The following NKAIN3 variants were observed in gnomAD, a reference collection of about 807,000 sequenced individuals.
The protein encoded by NKAIN3 is sodium/potassium transporting ATPase interacting 3, also known as sodium/potassium-transporting ATPase subunit beta-1-interacting protein 3.
In NKAIN3, 25 loss-of-function variants were observed where a neutral mutation model predicts 30.2. The ratio of observed to expected loss-of-function variants is 0.83; its 90% CI spans 0.60 to 1.16. NKAIN3 has a LOEUF of 1.16. Among genes scored for constraint, NKAIN3 ranks in the 50% most tolerant of loss-of-function variants. The pLI, the probability that NKAIN3 is intolerant of heterozygous loss-of-function variation, is 0.00. For missense variants in NKAIN3, 225 were observed against 254.1 expected (o/e 0.89, Z 0.78); for synonymous variants, 91 against 89.6 (o/e 1.02, Z -0.09).
intron 1 of NKAIN3, among the ~76,000 whole-genome samples, chr8:62,310,029 G>T (rs1183170354): frequency 6.6e-6 from 1 of 150,432 alleles, no homozygotes; most frequent in Admixed American, 6.6e-5. Flanking sequence ...AAAATAGAAT[G>T]GTTAATGACA....
At chr8:62,628,260 C>G (rs1051470419) in intron 3 of NKAIN3, among the ~76,000 whole-genome samples, 2 of 152,122 alleles carry the variant, frequency 1.3e-5, no homozygotes, top group Non-Finnish European at 2.9e-5. Flanking sequence ...TTATGTCAGT[C>G]AGATGCTAAA....
At chr8:62,912,459 A>T (rs1027191363) in intron 4 of NKAIN3, among the ~76,000 whole-genome samples, 5 of 152,204 alleles carry the variant, frequency 3.3e-5, no homozygotes, top group African/African-American at 9.6e-5. Flanking sequence ...TTACTTTATA[A>T]ACCTTTTAAA....
intron 1 of NKAIN3, among the ~76,000 whole-genome samples, chr8:62,535,852 A>G (rs535731619): frequency 1.3e-5 from 2 of 152,256 alleles, no homozygotes; most frequent in South Asian, 2.1e-4. Context: ...AAGACCCACA[A>G]TCAGAAAGTC....
chr8:62,618,760 G>T (rs1255044532), intron 3 of NKAIN3, among the ~76,000 whole-genome samples: 1 of 152,022 alleles, frequency 6.6e-6, no homozygotes, highest in African/African-American at 2.4e-5. Context: ...GCAAAAATTA[G>T]CCGGGCATGG....
chr8:62,249,207 A>C (rs1017143595), intron 1 of NKAIN3, 80 bp downstream of exon 1: 1 of 1,246,516 alleles, frequency 8.0e-7, no homozygotes, highest in African/African-American at 1.6e-5. Context: ...GCGGTTCCGC[A>C]GCTCCCGGCA....
At chr8:62,741,096 C>T (rs1350881881) in intron 3 of NKAIN3, among the ~76,000 whole-genome samples, 1 of 150,762 alleles carries the variant, frequency 6.6e-6, no homozygotes, top group Non-Finnish European at 1.5e-5. Flanking sequence ...TTTTTTACTC[C>T]CAGAACTCTC....
rs971979647 is a variant in NKAIN3 at position 62,968,796 on chromosome 8, A to C, written c.*3389A>C. Among the ~76,000 whole-genome samples, 4 of 152,174 alleles carry C rather than the reference A, an allele frequency of 2.6e-5. No homozygotes were observed. The highest frequency in any genetic ancestry group is 9.6e-5 in the African/African-American group (4 of 41,452). Reference sequence around the variant, plus strand: ...TAAGCGTCTTCTGCTGACCTCGTGCAGCACCGCAGGAAGCTGGGATGCTTT... The same window carrying C: ...TAAGCGTCTTCTGCTGACCTCGTGCCGCACCGCAGGAAGCTGGGATGCTTT... On this transcript the variant is annotated 3_prime_UTR_variant, in exon 7 of 7. Transcript: ENST00000623646.
intron 1 of NKAIN3, among the ~76,000 whole-genome samples, chr8:62,316,470 T>A (rs1814633028): frequency 6.7e-6 from 1 of 149,950 alleles, no homozygotes; most frequent in Admixed American, 6.6e-5. Flanking sequence ...GATGTTCCCC[T>A]TCCTGTGTCC....
At chr8:62,374,692 TA>T (rs1817021368) in intron 1 of NKAIN3, among the ~76,000 whole-genome samples, 1 of 152,194 alleles carries the variant, frequency 6.6e-6, no homozygotes, top group East Asian at 1.9e-4. Context: ...CTAGCAGGGT[TA>T]GGGGAGGATT....
At chr8:62,820,401 G>T (rs1055627225) in intron 4 of NKAIN3, among the ~76,000 whole-genome samples, 9 of 152,150 alleles carry the variant, frequency 5.9e-5, no homozygotes, top group Non-Finnish European at 1.3e-4. Context: ...GAGGCTCACT[G>T]TAAGAGGTGG....
chr8:62,843,221 A>G (rs1296825174), intron 4 of NKAIN3, among the ~76,000 whole-genome samples: 5 of 152,010 alleles, frequency 3.3e-5, no homozygotes, highest in Non-Finnish European at 5.9e-5. Flanking sequence ...AGGAACACAG[A>G]TTAAGCTGGA....
At chr8:62,338,523 A>C (rs534180537) in intron 1 of NKAIN3, among the ~76,000 whole-genome samples, 75 of 152,142 alleles carry the variant, frequency 4.9e-4, no homozygotes, top group African/African-American at 1.8e-3. Flanking sequence ...CATGAGCTGA[A>C]ATAGAAAATT....
chr8:62,675,912 T>G (rs898713435), intron 3 of NKAIN3, among the ~76,000 whole-genome samples: 5 of 152,232 alleles, frequency 3.3e-5, no homozygotes, highest in African/African-American at 4.8e-5. Context: ...CATTGTTTTC[T>G]CTATTATCCT....
chr8:62,864,568 G>A (rs545333477), intron 4 of NKAIN3, among the ~76,000 whole-genome samples: 6 of 152,318 alleles, frequency 3.9e-5, no homozygotes, highest in African/African-American at 1.4e-4. Context: ...ATTGCCAAAT[G>A]TATGGCATAA....
At chr8:62,408,821 TA>T (rs550601239) in intron 1 of NKAIN3, among the ~76,000 whole-genome samples, 215 of 152,176 alleles carry the variant, frequency 1.4e-3, no homozygotes, top group African/African-American at 4.6e-3. Context: ...GTTTTCTTTA[TA>T]AAAAAAATTC....
At chr8:62,464,323 TTGGGAGGTCC>T (rs1042464729) in intron 1 of NKAIN3, among the ~76,000 whole-genome samples, 1 of 152,202 alleles carries the variant, frequency 6.6e-6, no homozygotes, top group African/African-American at 2.4e-5. Flanking sequence ...TCTCCTGAGT[TTGGGAGGTCC>T]TGTTGCTGAT....
At chr8:62,341,725 C>A (rs1479189566) in intron 1 of NKAIN3, among the ~76,000 whole-genome samples, 5 of 151,280 alleles carry the variant, frequency 3.3e-5, no homozygotes, top group African/African-American at 1.2e-4. Flanking sequence ...GAAAAAAAAA[C>A]AAAACAAGCA....
chr8:62,596,189 G>A (rs1041696543), intron 3 of NKAIN3, among the ~76,000 whole-genome samples: 1 of 152,032 alleles, frequency 6.6e-6, no homozygotes, highest in African/African-American at 2.4e-5. Flanking sequence ...TCGGTGGCTA[G>A]CCATCCTGAG....
chr8:62,930,842 T>G (rs1475954179), intron 5 of NKAIN3, among the ~76,000 whole-genome samples: 5 of 152,052 alleles, frequency 3.3e-5, no homozygotes, highest in African/African-American at 9.7e-5. Context: ...TAGCTGGGAC[T>G]GCAGGTGCCC....
Sources: allele counts gnomAD v4.1 joint callset (sites outside exome capture counted in the v4.1 genomes callset), GRCh38; gene constraint gnomAD v4.1.1; transcripts MANE v1.5; gene names NCBI Gene and HGNC (gene_info 2026-07-23, HGNC 2026-07-21).